The following RAB31 variants were observed in gnomAD, a reference collection of about 807,000 sequenced individuals.
RAB31 encodes the protein RAB31, member RAS oncogene family.
A neutral mutation model predicts 25.6 loss-of-function variants in RAB31; 21 were observed. That is an observed-to-expected ratio of 0.82 (90% CI 0.58 to 1.18). RAB31 has a LOEUF of 1.18. Among genes scored for constraint, RAB31 ranks in the 50% most tolerant of loss-of-function variants. The probability of loss-of-function intolerance (pLI) is 0.00; values close to 1 mark genes in which losing one functional copy is unlikely to be tolerated. For synonymous variants in RAB31, 87 were observed against 84.0 expected, an observed-to-expected ratio of 1.04 and a Z score of -0.20; for missense variants, 196 against 250.1, an observed-to-expected ratio of 0.78 and a Z score of 1.46.
chr18:9,788,546 T>C (rs962981805), intron 2 of RAB31, among the ~76,000 whole-genome samples: 1 of 152,236 alleles, frequency 6.6e-6, no homozygotes, highest in African/African-American at 2.4e-5. Flanking sequence ...GCAGTTCTAC[T>C]ACTGGGTATT....
At chr18:9,770,158 G>A (rs2068336836) in intron 1 of RAB31, among the ~76,000 whole-genome samples, 1 of 152,088 alleles carries the variant, frequency 6.6e-6, no homozygotes, top group Non-Finnish European at 1.5e-5. Flanking sequence ...TTCTTTTTTT[G>A]TTGTGTCTCT....
At chr18:9,740,023 C>G (rs1279785124) in intron 1 of RAB31, among the ~76,000 whole-genome samples, 1 of 152,224 alleles carries the variant, frequency 6.6e-6, no homozygotes, top group Non-Finnish European at 1.5e-5. Context: ...GGAGCTGATT[C>G]TGACCTCAGA....
chr18:9,781,887 G>A (rs2068406580), intron 2 of RAB31, among the ~76,000 whole-genome samples: 1 of 152,214 alleles, frequency 6.6e-6, no homozygotes, highest in Non-Finnish European at 1.5e-5. Context: ...AAAGCTGGTA[G>A]GTTCGGTGGG....
At chr18:9,846,370 C>T (rs1055291039) in intron 6 of RAB31, among the ~76,000 whole-genome samples, 3 of 152,210 alleles carry the variant, frequency 2.0e-5, no homozygotes, top group African/African-American at 7.2e-5. Flanking sequence ...CAGATTTAAC[C>T]TTCATAAGTT....
intron 2 of RAB31, among the ~76,000 whole-genome samples, chr18:9,778,023 G>A (rs1396300433): frequency 6.6e-6 from 1 of 152,018 alleles, no homozygotes; most frequent in East Asian, 1.9e-4. Context: ...AAAGTGCTGG[G>A]ATTACAGGCG....
intron 1 of RAB31, among the ~76,000 whole-genome samples, chr18:9,752,998 G>A (rs1196581983): frequency 1.3e-5 from 2 of 152,210 alleles, no homozygotes; most frequent in East Asian, 3.8e-4. Flanking sequence ...GATATGTACA[G>A]TGGAATTTCA....
Position 9,775,355 on chromosome 18 carries a change from TG to T in RAB31, c.119+1del. ...TTGACCACAACATCAGCCCTACTAT[TG>T]GGTAAGTTCCTGTATGTCATTCTCC... is the stretch of plus-strand genomic sequence containing the variant. ...HFDHNISPTI[G>X]ASFMTKTVPC... On this transcript the variant is annotated frameshift_variant and splice_region_variant, in exon 2 of 7. Transcript: ENST00000578921. LOFTEE classifies it high-confidence loss of function. 1 of 1,613,792 alleles carries T rather than the reference TG, an allele frequency of 6.2e-7. No individual in the cohort carries two copies. The highest frequency in any genetic ancestry group is 8.5e-7 in the Non-Finnish European group (1 of 1,179,738).
At position 9,775,282 on chromosome 18, in the gene RAB31, C is replaced by T; in HGVS notation, c.44C>T (p.Thr15Ile). 1 of 1,613,874 alleles carries T rather than the reference C, an allele frequency of 6.2e-7. No individual in the cohort carries two copies. The highest frequency in any genetic ancestry group is 8.5e-7 in the Non-Finnish European group (1 of 1,179,796). ...RELKVCLLGD[T>I]GVGKSSIVCR... ...TGTATCCTCATTCTTTCCTAGGACA[C>T]TGGGGTTGGGAAATCAAGCATCGTG... Residue 15 changes from threonine (T) to isoleucine (I), a missense_variant, in exon 2 of 7, where the codon ACT (threonine) becomes ATT (isoleucine). Thr to Ile is a moderately conservative substitution (Grantham distance 89). Coordinates refer to ENST00000578921, the MANE Select transcript of RAB31 (RefSeq NM_006868.4).
chr18:9,850,630 C>G (rs1168277349), intron 6 of RAB31, among the ~76,000 whole-genome samples: 5 of 152,186 alleles, frequency 3.3e-5, no homozygotes, highest in Admixed American at 1.3e-4. Context: ...GAAAATTACA[C>G]TTGGAGACAC....
chr18:9,815,000 C>T, intron 4 of RAB31, 116 bp from the exon 5 acceptor site: 1 of 702,364 alleles, frequency 1.4e-6, no homozygotes, highest in East Asian at 2.8e-5. Context: ...TGTTAATCTG[C>T]ATGAGTCTCC....
At chr18:9,792,884 G>A (rs1325366984) in intron 3 of RAB31, among the ~76,000 whole-genome samples, 1 of 152,166 alleles carries the variant, frequency 6.6e-6, no homozygotes, top group Admixed American at 6.5e-5. Context: ...TCTCTTACTG[G>A]AAAAGTGGGT....
intron 6 of RAB31, among the ~76,000 whole-genome samples, chr18:9,851,178 T>C (rs762438995): frequency 4.0e-5 from 6 of 151,200 alleles, no homozygotes; most frequent in Non-Finnish European, 5.9e-5. Context: ...TTTGTCCACT[T>C]TCTCACCCCA....
intron 6 of RAB31, among the ~76,000 whole-genome samples, chr18:9,856,849 G>C (rs1261239244): frequency 6.6e-6 from 1 of 152,188 alleles, no homozygotes; most frequent in South Asian, 2.1e-4. Flanking sequence ...CTCTTCAGGA[G>C]TAAGTAACTC....
intron 1 of RAB31, among the ~76,000 whole-genome samples, chr18:9,747,902 AT>A (rs1444606448): frequency 4.6e-5 from 7 of 152,230 alleles, no homozygotes; most frequent in African/African-American, 1.7e-4. Flanking sequence ...TATGTGAGTA[AT>A]TAGTTCCTAG....
intron 2 of RAB31, among the ~76,000 whole-genome samples, chr18:9,791,547 G>A (rs538402994): frequency 2.5e-3 from 384 of 151,616 alleles, no homozygotes; most frequent in Non-Finnish European, 4.5e-3. Flanking sequence ...ACAGGCACCC[G>A]CCACCATGCC....
intron 5 of RAB31, among the ~76,000 whole-genome samples, chr18:9,823,161 A>G (rs1242243399): frequency 6.6e-6 from 1 of 152,212 alleles, no homozygotes; most frequent in Non-Finnish European, 1.5e-5. Context: ...GCCAGTCCCA[A>G]AGGTTTCACA....
At chr18:9,845,074 A>G (rs989527385) in intron 5 of RAB31, among the ~76,000 whole-genome samples, 1 of 152,120 alleles carries the variant, frequency 6.6e-6, no homozygotes, top group African/African-American at 2.4e-5. Context: ...GAAAGTCCAG[A>G]TATGCCATCC....
chr18:9,795,211 C>G (rs1393898093), intron 3 of RAB31, among the ~76,000 whole-genome samples: 18 of 152,164 alleles, frequency 1.2e-4, no homozygotes. Context: ...AAACTGGATT[C>G]TCATCTCTCA....
At chr18:9,791,659 T>C (rs1430189150) in intron 2 of RAB31, among the ~76,000 whole-genome samples, 1 of 152,168 alleles carries the variant, frequency 6.6e-6, no homozygotes, top group African/African-American at 2.4e-5. Context: ...CATGGTGCCA[T>C]CTTGGCTCAC....
Sources: allele counts gnomAD v4.1 joint callset (sites outside exome capture counted in the v4.1 genomes callset), GRCh38; gene constraint gnomAD v4.1.1; transcripts MANE v1.5; gene names NCBI Gene and HGNC (gene_info 2026-07-23, HGNC 2026-07-21).